Variants in FBXO15 observed in about 807,000 individuals in gnomAD.
FBXO15 encodes the protein F-box protein 15, also known as F-box only protein 15.
FBXO15 carries 30 observed loss-of-function variants against 49.5 expected under a neutral mutation model. The ratio of observed to expected loss-of-function variants is 0.61; its 90% CI spans 0.45 to 0.82. The LOEUF is 0.82. Among genes scored for constraint, FBXO15 ranks in the 40% least tolerant of loss-of-function variants. The pLI, the probability that FBXO15 is intolerant of heterozygous loss-of-function variation, is 0.00. For synonymous variants in FBXO15, 250 were observed against 232.7 expected, an observed-to-expected ratio of 1.07 and a Z score of -0.68; for missense variants, 591 against 631.5, an observed-to-expected ratio of 0.94 and a Z score of 0.69.
At chr18:74,138,481 C>T (rs1394961464) in intron 2 of FBXO15, among the ~76,000 whole-genome samples, 4 of 152,104 alleles carry the variant, frequency 2.6e-5, no homozygotes, top group African/African-American at 9.7e-5. Flanking sequence ...GACCTCAGGG[C>T]TCTTCCCTGC....
intron 8 of FBXO15, among the ~76,000 whole-genome samples, chr18:74,119,875 G>A (rs1227863491): frequency 1.3e-5 from 2 of 152,170 alleles, no homozygotes; most frequent in African/African-American, 2.4e-5. Context: ...GAGCTCTGAG[G>A]AGCAGCTGTG....
intron 3 of FBXO15, 31 bp from the exon 4 acceptor site, chr18:74,130,689 A>G (rs538920639): frequency 6.3e-7 from 1 of 1,594,658 alleles, no homozygotes; most frequent in Non-Finnish European, 8.5e-7. Flanking sequence ...ATGTTAACTA[A>G]GAGACACTGT....
chr18:74,136,593 G>T (rs1978741137), intron 2 of FBXO15, among the ~76,000 whole-genome samples: 1 of 152,142 alleles, frequency 6.6e-6, no homozygotes, highest in South Asian at 2.1e-4. Flanking sequence ...GCTTCGTCTG[G>T]GGCTTCAAGG....
At chr18:74,087,492 T>C (rs185309211) in intron 8 of FBXO15, among the ~76,000 whole-genome samples, 85 of 152,326 alleles carry the variant, frequency 5.6e-4, no homozygotes, top group African/African-American at 2.0e-3. Flanking sequence ...CATACGGTAT[T>C]TTGTTTTCTG....
chr18:74,135,304 G>A (rs1458323106), intron 3 of FBXO15, among the ~76,000 whole-genome samples: 1 of 152,182 alleles, frequency 6.6e-6, no homozygotes, highest in African/African-American at 2.4e-5. Flanking sequence ...TGATTGGCAT[G>A]TTTGGGAGGA....
At chr18:74,089,348 T>C (rs975371085) in intron 8 of FBXO15, among the ~76,000 whole-genome samples, 1 of 152,158 alleles carries the variant, frequency 6.6e-6, no homozygotes, top group South Asian at 2.1e-4. Flanking sequence ...GCAGAGACTA[T>C]GGGGGGTTTT....
At chr18:74,086,933 C>T (rs1005006115) in intron 8 of FBXO15, among the ~76,000 whole-genome samples, 7 of 152,178 alleles carry the variant, frequency 4.6e-5, no homozygotes, top group South Asian at 4.2e-4. Context: ...TCAGACGTAC[C>T]GCAGATTCAG....
At chr18:74,083,137 C>G (rs1204134907) in intron 8 of FBXO15, among the ~76,000 whole-genome samples, 1 of 152,164 alleles carries the variant, frequency 6.6e-6, no homozygotes. Flanking sequence ...AGCTCCTTGC[C>G]CAGATGCCAC....
At chr18:74,100,207 A>G (rs1490924185) in intron 8 of FBXO15, 1 of 152,212 alleles carries the variant, frequency 6.6e-6, no homozygotes, top group African/African-American at 2.4e-5. Flanking sequence ...CTGAAATTAT[A>G]TCAGGTACTC....
chr18:74,096,382 C>CT (rs2145136008), intron 8 of FBXO15, among the ~76,000 whole-genome samples: 1 of 152,216 alleles, frequency 6.6e-6, no homozygotes, highest in East Asian at 1.9e-4. Context: ...AGGATATACT[C>CT]TTTGGGGCCT....
chr18:74,096,775 A>G (rs1219158140), intron 8 of FBXO15, among the ~76,000 whole-genome samples: 4 of 152,222 alleles, frequency 2.6e-5, no homozygotes, highest in Non-Finnish European at 4.4e-5. Flanking sequence ...GATCTCCAAG[A>G]TAACACAGAA....
chr18:74,119,417 C>T (rs1328478347), intron 8 of FBXO15, among the ~76,000 whole-genome samples: 1 of 152,184 alleles, frequency 6.6e-6, no homozygotes, highest in Non-Finnish European at 1.5e-5. Context: ...AACCAAAATA[C>T]TGCCCCATGG....
chr18:74,109,621 C>T (rs1399239238), intron 8 of FBXO15, among the ~76,000 whole-genome samples: 1 of 152,146 alleles, frequency 6.6e-6, no homozygotes, highest in Non-Finnish European at 1.5e-5. Flanking sequence ...AAATGTGGCA[C>T]ATATACACCA....
intron 1 of FBXO15, among the ~76,000 whole-genome samples, chr18:74,143,367 C>G (rs1411647528): frequency 6.6e-6 from 1 of 152,062 alleles, no homozygotes; most frequent in Non-Finnish European, 1.5e-5. Flanking sequence ...TTGGCAAATA[C>G]CAAATAAATG....
rs76724179 is a variant in FBXO15, at chr18:74,129,654, GAA to G, written c.576-42_576-41del. ...AAAAACTAACAATGTTTGCCTCATT[GAA>G]AAAAAAAAAATGCTAAAGGCAATTT... On this transcript the variant is annotated intron_variant, in intron 4 of 9. Transcript: ENST00000419743. 1.5e-3 allele frequency: 1,851 copies of G among 1,234,488 alleles called. 2 individuals are homozygous for G. The highest frequency in any genetic ancestry group is 6.8e-3 in the Admixed American group (288 of 42,248). The allele number at this position is 1,234,488 out of a possible 1,614,324, so 76.5% of individuals were successfully genotyped here.
chr18:74,122,020 G>A (rs1276487981), intron 8 of FBXO15, among the ~76,000 whole-genome samples: 1 of 152,144 alleles, frequency 6.6e-6, no homozygotes, highest in Non-Finnish European at 1.5e-5. Context: ...GGAGTTTTCT[G>A]ACATCACAGC....
At chr18:74,083,842 A>G (rs1912609546) in intron 8 of FBXO15, among the ~76,000 whole-genome samples, 1 of 152,238 alleles carries the variant, frequency 6.6e-6, no homozygotes, top group Non-Finnish European at 1.5e-5. Context: ...GTGTGTATAT[A>G]AAATAGGTGT....
At chr18:74,113,087 C>T (rs951854339) in intron 8 of FBXO15, among the ~76,000 whole-genome samples, 10 of 152,186 alleles carry the variant, frequency 6.6e-5, no homozygotes, top group African/African-American at 2.4e-4. Flanking sequence ...AACTGTGGTA[C>T]ATCCAGACAA....
rs1485256729 is a variant in FBXO15 at position 74,074,263 on chromosome 18, A to G, written c.1264-533T>C. ...TCTGACATGTGCCAGCCTCCTGTCCACCCACTCTCATTTCCAGGACTCTGG... is the reference window on the plus strand; with the variant it reads ...TCTGACATGTGCCAGCCTCCTGTCCGCCCACTCTCATTTCCAGGACTCTGG... On this transcript the variant is annotated intron_variant, in intron 9 of 9. Transcript: ENST00000419743. This position sits in a 1 kb window ranked among gnomAD's most constrained non-coding sequence, Gnocchi z 4.7. Among the ~76,000 whole-genome samples the G allele has an allele frequency of 1.3e-5, 2 of 152,018 alleles. No homozygotes were observed. Among genetic ancestry groups the G allele is most frequent in the Non-Finnish European group, 2.9e-5 (2 of 67,996 alleles).
Sources: gnomAD v4.1 joint callset for allele counts (sites outside exome capture counted in the v4.1 genomes callset) on GRCh38, gnomAD v4.1.1 for gene constraint, Gnocchi (gnomAD v3.1) non-coding constraint, MANE v1.5 for transcripts, NCBI Gene and HGNC (gene_info 2026-07-23, HGNC 2026-07-21) for gene names.